The following SNX3 variants were observed in gnomAD, a reference collection of about 807,000 sequenced individuals.
SNX3 encodes sorting nexin-3.
In SNX3, 5 loss-of-function variants were observed where a neutral mutation model predicts 17.7. That is an observed-to-expected ratio of 0.28 (90% CI 0.15 to 0.59). The LOEUF is 0.59. SNX3 is among the 20% of genes least tolerant of loss of function. The pLI, the probability that SNX3 is intolerant of heterozygous loss-of-function variation, is 0.88. For synonymous variants in SNX3, 91 were observed against 76.5 expected (o/e 1.19, Z -0.99); for missense variants, 132 against 206.8 (o/e 0.64, Z 2.22).
intron 1 of SNX3, among the ~76,000 whole-genome samples, chr6:108,258,187 C>A (rs980531876): frequency 2.0e-5 from 3 of 151,172 alleles, no homozygotes; most frequent in African/African-American, 7.3e-5. Context: ...AGGCCAGGCG[C>A]GGTGGCTCAT....
At chr6:108,256,648 A>T (rs1166824085) in intron 1 of SNX3, among the ~76,000 whole-genome samples, 1 of 152,222 alleles carries the variant, frequency 6.6e-6, no homozygotes, top group Non-Finnish European at 1.5e-5. Flanking sequence ...GAGCTCAAGA[A>T]AGATTCTAAT....
rs1252616840 is a variant in SNX3, at chr6:108,260,880, C to G, written c.42G>C (p.Lys14Asn). 1 of 1,611,192 alleles carries G rather than the reference C, an allele frequency of 6.2e-7. No individual in the cohort carries two copies. Among genetic ancestry groups the G allele is most frequent in the East Asian group, 2.3e-5 (1 of 44,334 alleles). ...TVADTRRLITKPQNLNDAYGP... is the reference protein window; with the variant it reads ...TVADTRRLITNPQNLNDAYGP... Reference sequence around the variant, plus strand: ...CGTAGGCGTCATTCAGGTTCTGCGGCTTGGTGATCAGCCGCCGGGTGTCAG... The same window carrying G: ...CGTAGGCGTCATTCAGGTTCTGCGGGTTGGTGATCAGCCGCCGGGTGTCAG... The change falls in exon 1 of 4, where the codon AAG becomes AAC. Residue 14 changes from lysine (K) to asparagine (N), a missense_variant. Physicochemically the swap from Lys to Asn is moderately conservative, Grantham distance 94. Transcript: ENST00000230085.
At chr6:108,247,273 G>C (rs532914883) in intron 1 of SNX3, among the ~76,000 whole-genome samples, 1 of 152,070 alleles carries the variant, frequency 6.6e-6, no homozygotes, top group East Asian at 1.9e-4. Context: ...ACCCAGTCTC[G>C]GGTAGTAAAT....
At position 108,212,202 on chromosome 6, in the gene SNX3, G is replaced by A; in HGVS notation, c.436C>T (p.Gln146Ter). 1.2e-6 allele frequency: 2 copies of A among 1,610,752 alleles called. No homozygotes were observed. Among genetic ancestry groups the A allele is most frequent in the East Asian group, 2.2e-5 (1 of 44,824 alleles). ...TAGCTTTTATCTATTATTTCATCTT[G>A]TAAAAACATGTGAAGACAACGTTCG... is the stretch of plus-strand genomic sequence containing the variant. Reference protein sequence around the residue: ...QNERCLHMFLQDEIIDKSYTP... With the variant: ...QNERCLHMFL Residue 146 changes from glutamine to a stop codon, truncating the protein, a stop_gained, in exon 4 of 4, where the codon CAA becomes TAA. Coordinates refer to ENST00000230085, the MANE Select transcript of SNX3 (RefSeq NM_003795.6). LOFTEE classifies it high-confidence loss of function.
intron 1 of SNX3, among the ~76,000 whole-genome samples, chr6:108,254,144 C>A (rs1775961421): frequency 6.7e-6 from 1 of 149,674 alleles, no homozygotes; most frequent in African/African-American, 2.5e-5. Flanking sequence ...AAAAAAAAAA[C>A]CGCCACTGCC....
At chr6:108,243,602 C>G (rs1775589844) in intron 1 of SNX3, among the ~76,000 whole-genome samples, 1 of 152,122 alleles carries the variant, frequency 6.6e-6, no homozygotes, top group African/African-American at 2.4e-5. Flanking sequence ...GAAAGCCCTT[C>G]CGGCTGAAAA....
chr6:108,238,093 T>C (rs1582493711), intron 1 of SNX3, among the ~76,000 whole-genome samples: 2 of 109,662 alleles, frequency 1.8e-5, no homozygotes, highest in Non-Finnish European at 1.8e-5. Flanking sequence ...CAAAGTGAGA[T>C]CCTGTCTCAA....
In SNX3 at chr6:108,222,271, C is replaced by T. The variant is rs1774808461; in HGVS notation, c.258+679G>A. The T allele has an allele frequency of 3.1e-6, 4 of 1,304,126 alleles. No homozygotes were observed. In the East Asian group the frequency reaches 2.2e-4, roughly 72 times the overall value. The allele number at this position is 1,304,126 out of a possible 1,614,324, so 80.8% of individuals were successfully genotyped here. A position where few individuals can be genotyped will look rare whatever the true frequency, so the allele number is the denominator to read the frequency against. Reference sequence around the variant, plus strand: ...AAATAACTTTTCATCATTCTGAGCACACCACGTCCTTCCATGACTCCTTGC... The same window carrying T: ...AAATAACTTTTCATCATTCTGAGCATACCACGTCCTTCCATGACTCCTTGC... On this transcript the variant is annotated intron_variant, in intron 2 of 3. Transcript: ENST00000230085.
At chr6:108,213,600 C>CGA (rs1278733527) in intron 3 of SNX3, among the ~76,000 whole-genome samples, 1 of 149,056 alleles carries the variant, frequency 6.7e-6, no homozygotes. Context: ...TTCACTGAGC[C>CGA]GAGACTGCAC....
intron 1 of SNX3, among the ~76,000 whole-genome samples, chr6:108,226,323 A>G (rs1345133897): frequency 6.6e-6 from 1 of 152,072 alleles, no homozygotes; most frequent in Non-Finnish European, 1.5e-5. Context: ...ATCCATCTGT[A>G]TTGGACTCCC....
chr6:108,211,331 T>C lies in SNX3; in HGVS notation c.*818A>G, dbSNP rs1172724636. The stretch of plus-strand genomic sequence containing the variant: ...CTTAAGCAATACATTTTTTAGTATA[T>C]CACTTTTGTTGTTGTTAAAAATACC... On this transcript the variant is annotated 3_prime_UTR_variant, in exon 4 of 4. Transcript: ENST00000230085. The C allele has an allele frequency of 2.0e-5, 3 of 152,228 alleles. No individual in the cohort carries two copies. The highest frequency in any genetic ancestry group is 4.4e-5 in the Non-Finnish European group (3 of 68,044). 9.4% of individuals were successfully genotyped at this position (152,228 alleles called of 1,614,324 possible).
At chr6:108,255,755 A>G (rs997255766) in intron 1 of SNX3, among the ~76,000 whole-genome samples, 10 of 152,176 alleles carry the variant, frequency 6.6e-5, no homozygotes, top group African/African-American at 2.4e-4. Flanking sequence ...TCAGCTTCCA[A>G]TCTGGATATT....
rs549102580 is a variant in SNX3 at position 108,234,318 on chromosome 6, C to A, written c.163-11273G>T. 3.8e-3 allele frequency among the ~76,000 whole-genome samples: 584 copies of A among 151,852 alleles called. 3 individuals carry two copies. The highest frequency in any genetic ancestry group is 0.012 in the African/African-American group (488 of 41,338). On this transcript the variant is annotated intron_variant, in intron 1 of 3. Coordinates refer to ENST00000230085, the MANE Select transcript of SNX3 (RefSeq NM_003795.6). ...CTGTAATCCCAGCACTTTGGGAGGC[C>A]GAGGCGGGTGGATCACCTGAGGTCA...
At chr6:108,252,521 A>C (rs1340496956) in intron 1 of SNX3, 1 of 152,284 alleles carries the variant, frequency 6.6e-6, no homozygotes, top group Non-Finnish European at 1.5e-5. Flanking sequence ...ACCAAAAAAC[A>C]AACCACTGTG....
At chr6:108,218,150 T>C (rs1431491070) in intron 2 of SNX3, among the ~76,000 whole-genome samples, 1 of 152,198 alleles carries the variant, frequency 6.6e-6, no homozygotes, top group Non-Finnish European at 1.5e-5. Context: ...ATGTATCTGA[T>C]AGGGAACTCT....
intron 2 of SNX3, among the ~76,000 whole-genome samples, chr6:108,220,247 G>A (rs1774714457): frequency 6.6e-6 from 1 of 151,428 alleles, no homozygotes. Flanking sequence ...AATGTCCTAG[G>A]TCTTCTCATT....
intron 2 of SNX3, among the ~76,000 whole-genome samples, chr6:108,218,248 A>G (rs1239836351): frequency 6.6e-6 from 1 of 152,248 alleles, no homozygotes; most frequent in Non-Finnish European, 1.5e-5. Context: ...GATGTCTCCA[A>G]AGAAGATACA....
rs199614610 is a variant in SNX3, at chr6:108,222,509, TGA to T, written c.258+439_258+440del. ...GAATATCAGCACATATCACACAGAGTGAGGTCATTACTGCTTTATGAAACTTC... is the reference window on the plus strand; with the variant it reads ...GAATATCAGCACATATCACACAGAGTGGTCATTACTGCTTTATGAAACTTC... On this transcript the variant is annotated intron_variant, in intron 2 of 3. Transcript: ENST00000230085. 4.4e-3 allele frequency among the ~76,000 whole-genome samples: 667 copies of T among 152,254 alleles called. 10 individuals are homozygous for T. The highest frequency in any genetic ancestry group is 0.016 in the African/African-American group (647 of 41,526).
At chr6:108,221,108 T>C (rs1016213537) in intron 2 of SNX3, among the ~76,000 whole-genome samples, 6 of 152,194 alleles carry the variant, frequency 3.9e-5, no homozygotes, top group African/African-American at 1.4e-4. Context: ...TAAACAGCCC[T>C]ACTGAAATTT....
Sources: gnomAD v4.1 joint callset for allele counts (sites outside exome capture counted in the v4.1 genomes callset) on GRCh38, gnomAD v4.1.1 for gene constraint, MANE v1.5 for transcripts, NCBI Gene and HGNC (gene_info 2026-07-23, HGNC 2026-07-21) for gene names.